The following SELENOI variants were observed in gnomAD, a reference collection of about 807,000 sequenced individuals.
SELENOI encodes selenoprotein I.
A neutral mutation model predicts 50.7 loss-of-function variants in SELENOI; 24 were observed. The observed-to-expected ratio is 0.47, with a 90% confidence interval of 0.34 to 0.67. The LOEUF (loss-of-function observed/expected upper bound fraction) is 0.67. SELENOI is among the 30% of genes least tolerant of loss of function. The pLI is 0.01. For synonymous variants in SELENOI, 155 were observed against 170.2 expected (o/e 0.91, Z 0.70); for missense variants, 352 against 461.4 (o/e 0.76, Z 2.17).
intron 6 of SELENOI, 49 bp downstream of exon 6, chr2:26,375,197 A>G: frequency 3.2e-6 from 4 of 1,240,206 alleles, no homozygotes; most frequent in South Asian, 1.3e-5. Flanking sequence ...TTTGTTATCA[A>G]AAGAGCCGGT....
chr2:26,376,538 C>T (rs1178712394), intron 6 of SELENOI, among the ~76,000 whole-genome samples: 2 of 152,002 alleles, frequency 1.3e-5, no homozygotes, highest in African/African-American at 4.8e-5. Context: ...TATAATAAAC[C>T]CCTGTGTACT....
At position 26,373,517 on chromosome 2, in the gene SELENOI, T is replaced by C. The variant is rs375780753; in HGVS notation, c.461T>C (p.Phe154Ser). The change falls in exon 5 of 10, where the codon TTT becomes TCT. Residue 154 changes from phenylalanine (F) to serine (S), a missense_variant. Phe to Ser is a radical substitution (Grantham distance 155). Coordinates refer to ENST00000260585, the MANE Select transcript of SELENOI (RefSeq NM_033505.4). ...AGAGGATCAACTGGTGTCAGTGTTT[T>C]TGTTCTTTATCTCCTGCTATGGGTA... Reference protein sequence around the residue: ...FGRGSTGVSVFVLYLLLWVVL... With the variant: ...FGRGSTGVSVSVLYLLLWVVL... The C allele has an allele frequency of 1.2e-6, 2 of 1,613,896 alleles. No homozygotes were observed. Among genetic ancestry groups the C allele is most frequent in the African/African-American group, 2.7e-5 (2 of 74,934 alleles).
intron 1 of SELENOI, among the ~76,000 whole-genome samples, chr2:26,352,397 G>C (rs916270954): frequency 8.5e-5 from 13 of 152,136 alleles, no homozygotes; most frequent in Non-Finnish European, 1.8e-4. Flanking sequence ...AAGGAGTGGG[G>C]ATTCTAAAGA....
chr2:26,377,991 T>C (rs1259376481), intron 6 of SELENOI, among the ~76,000 whole-genome samples: 1 of 152,206 alleles, frequency 6.6e-6, no homozygotes, highest in East Asian at 1.9e-4. Context: ...TGGACACAGA[T>C]GAAGAAATTT....
chr2:26,352,131 C>T (rs1410223780), intron 1 of SELENOI, among the ~76,000 whole-genome samples: 1 of 152,032 alleles, frequency 6.6e-6, no homozygotes, highest in African/African-American at 2.4e-5. Context: ...CAGAGTGAGA[C>T]CCTGTCTCAG....
intron 1 of SELENOI, among the ~76,000 whole-genome samples, chr2:26,363,886 G>T (rs566043984): frequency 6.6e-6 from 1 of 151,984 alleles, no homozygotes; most frequent in Non-Finnish European, 1.5e-5. Context: ...GATTACAGGC[G>T]TGTGCCACCA....
chr2:26,367,280 C>T (rs1047839581), intron 4 of SELENOI, 60 bp downstream of exon 4: 4 of 1,299,280 alleles, frequency 3.1e-6, no homozygotes, highest in Non-Finnish European at 4.3e-6. Context: ...AGGATAGCCA[C>T]GTATTAAAAT....
At chr2:26,347,976 T>C (rs1304791165) in intron 1 of SELENOI, among the ~76,000 whole-genome samples, 1 of 152,200 alleles carries the variant, frequency 6.6e-6, no homozygotes. Context: ...AAGCGTCCAA[T>C]GTTCACTAAA....
chr2:26,370,874 G>T, intron 4 of SELENOI, among the ~76,000 whole-genome samples: 1 of 126,456 alleles, frequency 7.9e-6, no homozygotes, highest in Middle Eastern at 5.1e-3. Context: ...CTGGCCAGGC[G>T]GGGGGCTGAC....
intron 6 of SELENOI, among the ~76,000 whole-genome samples, chr2:26,381,706 C>T (rs1363707671): frequency 6.6e-6 from 1 of 152,144 alleles, no homozygotes; most frequent in Non-Finnish European, 1.5e-5. Flanking sequence ...CTCAGGTGGT[C>T]TTCTCCTTCC....
intron 6 of SELENOI, among the ~76,000 whole-genome samples, chr2:26,378,910 A>G (rs931663530): frequency 6.6e-6 from 1 of 152,240 alleles, no homozygotes; most frequent in Admixed American, 6.5e-5. Context: ...TCTGTAAAAG[A>G]ACCACAATTG....
At chr2:26,347,964 G>C (rs1676840820) in intron 1 of SELENOI, among the ~76,000 whole-genome samples, 1 of 152,138 alleles carries the variant, frequency 6.6e-6, no homozygotes, top group African/African-American at 2.4e-5. Flanking sequence ...GGTCGATTTA[G>C]CAAGCGTCCA....
At chr2:26,363,214 G>A in intron 1 of SELENOI, among the ~76,000 whole-genome samples, 1 of 152,104 alleles carries the variant, frequency 6.6e-6, no homozygotes, top group East Asian at 1.9e-4. Context: ...ACTTACTGTA[G>A]GTCAGTTCTG....
At position 26,393,034 on chromosome 2, in the gene SELENOI, G is replaced by T. The variant is rs6739625; in HGVS notation, c.*3931G>T. The T allele has an allele frequency of 3.3e-5, 5 of 152,468 alleles. No individual in the cohort carries two copies. The highest frequency in any genetic ancestry group is 9.7e-5 in the African/African-American group (4 of 41,388). The allele number at this position is 152,468 out of a possible 1,614,324, so 9.4% of individuals were successfully genotyped here. A position where few individuals can be genotyped will look rare whatever the true frequency, so the allele number is the denominator to read the frequency against. ...GGTGTTAAATCTCTGAAACTTGAAC[G>T]TATGATGCTCTGGACATTTTAGGAA... On this transcript the variant is annotated 3_prime_UTR_variant, in exon 10 of 10. Coordinates refer to ENST00000260585, the MANE Select transcript of SELENOI (RefSeq NM_033505.4).
At chr2:26,352,132 C>T (rs187891009) in intron 1 of SELENOI, among the ~76,000 whole-genome samples, 1 of 151,968 alleles carries the variant, frequency 6.6e-6, no homozygotes, top group East Asian at 1.9e-4. Flanking sequence ...AGAGTGAGAC[C>T]CTGTCTCAGA....
intron 2 of SELENOI, 29 bp from the exon 3 acceptor site, chr2:26,364,799 TTTAA>T (rs759336233): frequency 1.1e-5 from 16 of 1,468,222 alleles, no homozygotes; most frequent in Non-Finnish European, 1.5e-5. Flanking sequence ...ATTCCTCTAC[TTTAA>T]TTATTTTATA....
chr2:26,359,871 T>G (rs1405493736), intron 1 of SELENOI, among the ~76,000 whole-genome samples: 3 of 152,138 alleles, frequency 2.0e-5, no homozygotes, highest in Non-Finnish European at 4.4e-5. Flanking sequence ...TTCTCCTAAA[T>G]GAGGGTCAGA....
At chr2:26,363,574 G>T (rs1175558400) in intron 1 of SELENOI, among the ~76,000 whole-genome samples, 1 of 152,138 alleles carries the variant, frequency 6.6e-6, no homozygotes, top group East Asian at 1.9e-4. Flanking sequence ...TGGCGATTTG[G>T]ACTCTGGTTG....
At chr2:26,354,253 C>T (rs529307226) in intron 1 of SELENOI, among the ~76,000 whole-genome samples, 1 of 152,058 alleles carries the variant, frequency 6.6e-6, no homozygotes, top group Non-Finnish European at 1.5e-5. Flanking sequence ...TCCCACAGCT[C>T]GTAAGTGGTG....
Sources: gnomAD v4.1 joint callset for allele counts (sites outside exome capture counted in the v4.1 genomes callset) on GRCh38, gnomAD v4.1.1 for gene constraint, MANE v1.5 for transcripts, NCBI Gene and HGNC (gene_info 2026-07-23, HGNC 2026-07-21) for gene names.